The following JHY variants were observed in gnomAD, a reference collection of about 807,000 sequenced individuals.
JHY encodes the protein jhy protein homolog.
JHY carries 69 observed loss-of-function variants against 78.0 expected under a neutral mutation model. That is an observed-to-expected ratio of 0.88 (90% CI 0.73 to 1.08). The LOEUF (loss-of-function observed/expected upper bound fraction) is 1.08. JHY is among the 50% of genes least tolerant of loss of function. The pLI is 0.00. For synonymous variants in JHY, 368 were observed against 342.6 expected (o/e 1.07, Z -0.82); for missense variants, 944 against 927.8 (o/e 1.02, Z -0.23).
chr11:122,897,208 A>G (rs982335931), intron 2 of JHY, among the ~76,000 whole-genome samples: 2 of 151,930 alleles, frequency 1.3e-5, no homozygotes, highest in Non-Finnish European at 2.9e-5. Context: ...TGAGGTAGGT[A>G]CTATTATTAT....
At chr11:122,937,137 T>C (rs189752369) in intron 5 of JHY, among the ~76,000 whole-genome samples, 1 of 152,334 alleles carries the variant, frequency 6.6e-6, no homozygotes, top group East Asian at 1.9e-4. Flanking sequence ...ATTTTCCTTT[T>C]ATGCTGTCTT....
intron 6 of JHY, chr11:122,946,994 G>T: frequency 1.9e-6 from 1 of 531,080 alleles, no homozygotes. Flanking sequence ...AGTTGTTGCT[G>T]CCAGGGATGC....
rs1247107897 is a variant in JHY at position 122,917,003 on chromosome 11, A to G, written c.865-7894A>G. ...CCCACCCCCAACATGTTATTTTGCC[A>G]TTTGCTTTATTGGGTCATTCTAAAT... On this transcript the variant is annotated intron_variant, in intron 3 of 8. Transcript: ENST00000227349. The surrounding 1 kb of genome is among the most constrained non-coding windows in gnomAD (Gnocchi z 4.1). Among the ~76,000 whole-genome samples, 2 of 150,826 alleles carry G rather than the reference A, an allele frequency of 1.3e-5. No individual in the cohort carries two copies. The highest frequency in any genetic ancestry group is 2.9e-5 in the Non-Finnish European group (2 of 67,812).
At position 122,946,764 on chromosome 11, in the gene JHY, A is replaced by G; in HGVS notation, c.1901A>G (p.Lys634Arg). The change falls in exon 6 of 9, where the codon AAA becomes AGA. Residue 634 changes from lysine to arginine, a missense_variant. By Grantham distance (26) the Lys-to-Arg change is conservative. Transcript: ENST00000227349. ...EGYLFQLEKG[K>R]KHKKRSSSKN... Reference sequence around the variant, plus strand: ...TATCTGTTTCAACTGGAAAAGGGAAAAAAGCATAAGAAAAGAAGCAGCAGT... The same window carrying G: ...TATCTGTTTCAACTGGAAAAGGGAAGAAAGCATAAGAAAAGAAGCAGCAGT... 7 of 1,612,782 alleles carry G rather than the reference A, an allele frequency of 4.3e-6. No homozygotes were observed. The highest frequency in any genetic ancestry group is 5.9e-6 in the Non-Finnish European group (7 of 1,179,684).
chr11:122,941,785 A>T (rs992996759), intron 5 of JHY, among the ~76,000 whole-genome samples: 5 of 152,150 alleles, frequency 3.3e-5, no homozygotes, highest in Admixed American at 1.3e-4. Flanking sequence ...AGGATGTGTG[A>T]CTGCAGGTCA....
chr11:122,958,548 G>GTT, intron 8 of JHY: 1 of 180,644 alleles, frequency 5.5e-6, no homozygotes, highest in Non-Finnish European at 1.1e-5. Flanking sequence ...ATTTTAGAGG[G>GTT]TTTTTTTTTC....
At chr11:122,925,878 C>G (rs55884740) in intron 4 of JHY, among the ~76,000 whole-genome samples, 35,513 of 151,922 alleles carry the variant, frequency 0.23, 4,683 homozygotes, top group Middle Eastern at 0.3. Flanking sequence ...TTAGCTGGGT[C>G]TGGTGGCAGG....
rs1183945461 is a variant in JHY at position 122,962,619 on chromosome 11, T to C, written c.*3174T>C. ...TAGAATGAATAACCTTCATTAATTG[T>C]TTCCGAAATGGCCTTAAATTCGAAC... On this transcript the variant is annotated 3_prime_UTR_variant, in exon 9 of 9. Transcript: ENST00000227349. 2.0e-5 allele frequency among the ~76,000 whole-genome samples: 3 copies of C among 152,218 alleles called. No homozygotes were observed. Among genetic ancestry groups the C allele is most frequent in the African/African-American group, 7.2e-5 (3 of 41,458 alleles).
At chr11:122,926,220 G>T (rs112294177) in intron 4 of JHY, among the ~76,000 whole-genome samples, 1 of 85,776 alleles carries the variant, frequency 1.2e-5, no homozygotes, top group Admixed American at 1.1e-4. Context: ...AAAAGAAAAA[G>T]AAAAAGAAAA....
rs761536546 is a variant in JHY at position 122,931,969 on chromosome 11, G to A, written c.979-2451G>A. 7.9e-5 allele frequency among the ~76,000 whole-genome samples: 12 copies of A among 152,084 alleles called. 1 individual carries two copies. The highest frequency in any genetic ancestry group is 2.0e-4 in the Admixed American group (3 of 15,274). ...CCCATGCTAACACTCCGTGTGTGAC[G>A]CAAAAACCTACTGCCATTAAGCAGT... On this transcript the variant is annotated intron_variant, in intron 4 of 8. Transcript: ENST00000227349.
intron 3 of JHY, among the ~76,000 whole-genome samples, chr11:122,915,399 GA>G (rs1863213737): frequency 6.6e-6 from 1 of 152,240 alleles, no homozygotes; most frequent in Non-Finnish European, 1.5e-5. Flanking sequence ...AGGTCCCCAA[GA>G]AACCCGGAAG....
chr11:122,928,891 G>A (rs946511467), intron 4 of JHY, among the ~76,000 whole-genome samples: 7 of 151,802 alleles, frequency 4.6e-5, no homozygotes, highest in Admixed American at 6.6e-5. Flanking sequence ...CTCGTGATCC[G>A]CCCGCCTCGG....
intron 3 of JHY, among the ~76,000 whole-genome samples, chr11:122,912,158 G>A (rs1863143265): frequency 1.3e-5 from 2 of 150,888 alleles, no homozygotes; most frequent in Admixed American, 6.6e-5. Flanking sequence ...CTCGTGGTGC[G>A]CACCTGTAAT....
rs757900216 is a variant in JHY at position 122,904,102 on chromosome 11, C to A, written c.522C>A (p.Ser174=). Residue 174 remains serine (S), a synonymous_variant, in exon 3 of 9, where the codon TCC becomes TCA. Coordinates refer to ENST00000227349, the MANE Select transcript of JHY (RefSeq NM_024806.4). ...CCCAGGAGACGTCAATGGAACTCTC[C>A]GGGGGAAAAGGCGAGCAGAAAGAGA... ...YPSQETSMEL[S]GGKGEQKESP... is the part of the protein sequence containing the mutation. The A allele has an allele frequency of 1.2e-6, 2 of 1,614,084 alleles. No homozygotes were observed. Among genetic ancestry groups the A allele is most frequent in the East Asian group, 4.5e-5 (2 of 44,878 alleles).
At chr11:122,954,602 G>A (rs1308734332) in intron 6 of JHY, among the ~76,000 whole-genome samples, 1 of 152,198 alleles carries the variant, frequency 6.6e-6, no homozygotes, top group Admixed American at 6.5e-5. Context: ...CAAGTTAGAT[G>A]TATATCTTAG....
intron 3 of JHY, among the ~76,000 whole-genome samples, chr11:122,907,381 A>G (rs1863014634): frequency 1.3e-5 from 2 of 152,242 alleles, no homozygotes; most frequent in South Asian, 2.1e-4. Context: ...CTAGCCTAAG[A>G]CACTGAAAAG....
chr11:122,923,394 C>T lies in JHY; in HGVS notation c.865-1503C>T, dbSNP rs371988198. ...AGGTAAGTCTTGCCAGGAAATGGGG[C>T]ATGAATTTAGGCAGACAGCGAGTAA... On this transcript the variant is annotated intron_variant, in intron 3 of 8. Transcript: ENST00000227349. 3.9e-5 allele frequency among the ~76,000 whole-genome samples: 6 copies of T among 152,254 alleles called. No homozygotes were observed. In the East Asian group the frequency reaches 1.2e-3, roughly 29 times the overall value.
intron 2 of JHY, among the ~76,000 whole-genome samples, chr11:122,886,747 C>T (rs1370645990): frequency 6.6e-6 from 1 of 152,138 alleles, no homozygotes; most frequent in Admixed American, 6.5e-5. Context: ...CATGCCTGAC[C>T]CACTTAATTC....
At chr11:122,948,173 G>T (rs1374460033) in intron 6 of JHY, among the ~76,000 whole-genome samples, 1 of 152,162 alleles carries the variant, frequency 6.6e-6, no homozygotes, top group Non-Finnish European at 1.5e-5. Flanking sequence ...GCCGGGCGTG[G>T]TGGCTAACGC....
Sources: allele counts gnomAD v4.1 joint callset (sites outside exome capture counted in the v4.1 genomes callset), GRCh38; gene constraint gnomAD v4.1.1; non-coding constraint Gnocchi (gnomAD v3.1); transcripts MANE v1.5; gene names NCBI Gene and HGNC (gene_info 2026-07-23, HGNC 2026-07-21).